The following PRRX2 variants were observed in gnomAD, a reference collection of about 807,000 sequenced individuals.
PRRX2 encodes the protein paired related homeobox 2, also known as paired mesoderm homeobox protein 2.
In PRRX2, 11 loss-of-function variants were observed where a neutral mutation model predicts 18.0. The ratio of observed to expected loss-of-function variants is 0.61; its 90% CI spans 0.39 to 1.01. The LOEUF is 1.01. Among genes scored for constraint, PRRX2 ranks in the 50% least tolerant of loss-of-function variants. The pLI is 0.01. For synonymous variants in PRRX2, 177 were observed against 154.8 expected (o/e 1.14, Z -1.06); for missense variants, 387 against 351.0 (o/e 1.10, Z -0.82).
At chr9:129,719,598 A>G (rs1832763233) in intron 2 of PRRX2, among the ~76,000 whole-genome samples, 180 bp downstream of exon 2, 1 of 152,250 alleles carries the variant, frequency 6.6e-6, no homozygotes, top group Non-Finnish European at 1.5e-5. Context: ...TGAGCAAGTG[A>G]CTTAAGCTGT....
At chr9:129,716,876 G>A (rs1832715623) in intron 1 of PRRX2, among the ~76,000 whole-genome samples, 1 of 152,154 alleles carries the variant, frequency 6.6e-6, no homozygotes, top group Non-Finnish European at 1.5e-5. Flanking sequence ...CTGAAGGTAG[G>A]GGAGAGGGAA....
At position 129,695,686 on chromosome 9, in the gene PRRX2, G is replaced by C. The variant is rs1415424955; in HGVS notation, c.260-23545G>C. Among the ~76,000 whole-genome samples the C allele has an allele frequency of 2.0e-5, 3 of 152,188 alleles. No homozygotes were observed. Among genetic ancestry groups the C allele is most frequent in the Admixed American group, 2.0e-4 (3 of 15,280 alleles). On this transcript the variant is annotated intron_variant, in intron 1 of 3. Coordinates refer to ENST00000372469, the MANE Select transcript of PRRX2 (RefSeq NM_016307.4). This position sits in a 1 kb window ranked among gnomAD's most constrained non-coding sequence, Gnocchi z 4.8. Reference sequence around the variant, plus strand: ...GGAGACTTGGCTGGGAAGTCAAAAGGACTTTCCCGCTGCTTTCAGATGCTT... The same window carrying C: ...GGAGACTTGGCTGGGAAGTCAAAAGCACTTTCCCGCTGCTTTCAGATGCTT...
At chr9:129,714,174 G>A (rs1026840162) in intron 1 of PRRX2, among the ~76,000 whole-genome samples, 12 of 151,654 alleles carry the variant, frequency 7.9e-5, no homozygotes, top group African/African-American at 2.7e-4. Flanking sequence ...GGCATGTGGC[G>A]GACGCCTGTA....
At position 129,689,158 on chromosome 9, in the gene PRRX2, C is replaced by G. The variant is rs181477038; in HGVS notation, c.259+23032C>G. On this transcript the variant is annotated intron_variant, in intron 1 of 3. Coordinates refer to ENST00000372469, the MANE Select transcript of PRRX2 (RefSeq NM_016307.4). ...CTCTCCATTTCTCTCCTCCTTCAAG[C>G]TTCCCTGCCTTCTCCACCCCTAAGC... is the stretch of plus-strand genomic sequence containing the variant. Among the ~76,000 whole-genome samples, 186 of 152,296 alleles carry G rather than the reference C, an allele frequency of 1.2e-3. No homozygotes were observed. In the Middle Eastern group the frequency reaches 0.014, roughly 11 times the overall value.
At chr9:129,682,642 A>G (rs775775595) in intron 1 of PRRX2, among the ~76,000 whole-genome samples, 1 of 152,142 alleles carries the variant, frequency 6.6e-6, no homozygotes, top group Admixed American at 6.5e-5. Context: ...CCTCTCAGCA[A>G]TGGCTTCGCC....
At chr9:129,703,466 C>T (rs1832522488) in intron 1 of PRRX2, among the ~76,000 whole-genome samples, 1 of 152,148 alleles carries the variant, frequency 6.6e-6, no homozygotes, top group South Asian at 2.1e-4. Flanking sequence ...AGCTTTCATC[C>T]AGATACCAGC....
intron 1 of PRRX2, among the ~76,000 whole-genome samples, chr9:129,679,358 G>A (rs1832200260): frequency 6.6e-6 from 1 of 152,122 alleles, no homozygotes; most frequent in Non-Finnish European, 1.5e-5. Context: ...GGGGGAGGTG[G>A]CTGTGAGGGC....
chr9:129,705,867 G>A (rs1489319113), intron 1 of PRRX2, among the ~76,000 whole-genome samples: 3 of 151,092 alleles, frequency 2.0e-5, no homozygotes, highest in Non-Finnish European at 4.4e-5. Flanking sequence ...CCTGAGGTCA[G>A]GAGTTCAAGA....
intron 1 of PRRX2, among the ~76,000 whole-genome samples, chr9:129,687,293 G>A (rs1832309590): frequency 6.6e-6 from 1 of 152,204 alleles, no homozygotes; most frequent in African/African-American, 2.4e-5. Context: ...AAGGAAAGGG[G>A]CAAAAGTGGC....
intron 1 of PRRX2, among the ~76,000 whole-genome samples, chr9:129,670,367 C>G (rs1434730912): frequency 1.3e-5 from 2 of 151,828 alleles, no homozygotes; most frequent in Admixed American, 1.3e-4. Context: ...GGTAGTTCTA[C>G]CTTTAATTTT....
Position 129,665,936 on chromosome 9 carries a change from A to G in PRRX2, c.69A>G (p.Pro23=). 8.9e-7 allele frequency: 1 copy of G among 1,118,936 alleles called. No individual in the cohort carries two copies. Among genetic ancestry groups the G allele is most frequent in the Non-Finnish European group, 1.1e-6 (1 of 915,066 alleles). The allele number at this position is 1,118,936 out of a possible 1,614,324, so 69.3% of individuals were successfully genotyped here. ...TGGGCCCGGGGCCGCCGCCGCCTCC[A>G]CCCGCGCTGGGGCCCGGCGACTGCG... ...PALGPGPPPP[P]PALGPGDCAQ... The change falls in exon 1 of 4, where the codon CCA becomes CCG. Residue 23 remains proline (P), a synonymous_variant. Coordinates refer to ENST00000372469, the MANE Select transcript of PRRX2 (RefSeq NM_016307.4). The surrounding 1 kb of genome is among the most constrained non-coding windows in gnomAD (Gnocchi z 5.3).
At chr9:129,704,414 G>A (rs544662943) in intron 1 of PRRX2, among the ~76,000 whole-genome samples, 62 of 152,236 alleles carry the variant, frequency 4.1e-4, no homozygotes, top group African/African-American at 1.4e-3. Context: ...GAGGACACAC[G>A]GGGGCAATTT....
chr9:129,667,548 A>T (rs901269805), intron 1 of PRRX2, among the ~76,000 whole-genome samples: 4 of 151,956 alleles, frequency 2.6e-5, no homozygotes, highest in Admixed American at 2.6e-4. Context: ...AGGAGAAGGC[A>T]AGGAAAGGAG....
At chr9:129,677,743 G>A (rs1222635782) in intron 1 of PRRX2, among the ~76,000 whole-genome samples, 13 of 152,202 alleles carry the variant, frequency 8.5e-5, no homozygotes, top group African/African-American at 2.9e-4. Context: ...AGAGCGGGCC[G>A]CCCCACCACC....
intron 1 of PRRX2, among the ~76,000 whole-genome samples, chr9:129,711,909 C>A (rs1832627735): frequency 6.6e-6 from 1 of 152,156 alleles, no homozygotes; most frequent in South Asian, 2.1e-4. Context: ...GCTGATGATG[C>A]CAGGCAGTGG....
chr9:129,676,248 A>G (rs1832161637), intron 1 of PRRX2, among the ~76,000 whole-genome samples: 1 of 152,190 alleles, frequency 6.6e-6, no homozygotes, highest in Admixed American at 6.5e-5. Flanking sequence ...GGCATGGCCA[A>G]GAACATGGGA....
In PRRX2 at chr9:129,684,524, C is replaced by CACACACACA. The variant is rs1564147490; in HGVS notation, c.259+18398_259+18399insACACACACA. ...CACACACACACACACACACACACAC[C>CACACACACA]CACACACACCCCAACAGAAAAGAGA... On this transcript the variant is annotated intron_variant, in intron 1 of 3. Coordinates refer to ENST00000372469, the MANE Select transcript of PRRX2 (RefSeq NM_016307.4). Among the ~76,000 whole-genome samples the CACACACACA allele has an allele frequency of 8.5e-3, 384 of 45,064 alleles. 11 individuals are homozygous for CACACACACA. The highest frequency in any genetic ancestry group is 0.017 in the African/African-American group (244 of 14,626). 29.6% of individuals were successfully genotyped at this position (45,064 alleles called of 152,430 possible).
chr9:129,686,344 CCTTA>C (rs1287709569), intron 1 of PRRX2, among the ~76,000 whole-genome samples: 1 of 152,154 alleles, frequency 6.6e-6, no homozygotes, highest in Non-Finnish European at 1.5e-5. Context: ...ATGCAGACCT[CCTTA>C]CTTTTGTTTT....
At chr9:129,712,910 T>A (rs926089990) in intron 1 of PRRX2, 2 of 151,766 alleles carry the variant, frequency 1.3e-5, no homozygotes, top group African/African-American at 4.8e-5. Context: ...GCTTAGAGAG[T>A]ATTTATTTTA....
Sources: allele counts gnomAD v4.1 joint callset (sites outside exome capture counted in the v4.1 genomes callset), GRCh38; gene constraint gnomAD v4.1.1; non-coding constraint Gnocchi (gnomAD v3.1); transcripts MANE v1.5; gene names NCBI Gene and HGNC (gene_info 2026-07-23, HGNC 2026-07-21).